Variants in PDSS2 observed in about 807,000 individuals in gnomAD.
PDSS2 encodes all trans-polyprenyl-diphosphate synthase PDSS2.
PDSS2 carries 31 observed loss-of-function variants against 44.5 expected under a neutral mutation model. The observed-to-expected ratio is 0.70, with a 90% CI of 0.52 to 0.94. PDSS2 has a LOEUF of 0.94. PDSS2 is among the 40% of genes least tolerant of loss of function. PDSS2 has a pLI of 0.00. For missense variants in PDSS2, 452 were observed against 482.2 expected, an observed-to-expected ratio of 0.94 and a Z score of 0.59; for synonymous variants, 157 against 180.3, an observed-to-expected ratio of 0.87 and a Z score of 1.03.
chr6:107,388,447 ATTTT>A (rs147100917), intron 1 of PDSS2, among the ~76,000 whole-genome samples: 3 of 137,268 alleles, frequency 2.2e-5, no homozygotes, highest in African/African-American at 5.4e-5. Context: ...GTGCATGTGA[ATTTT>A]TTTTTTTTTT....
intron 6 of PDSS2, among the ~76,000 whole-genome samples, chr6:107,206,458 G>C (rs1772981670): frequency 6.6e-6 from 1 of 152,140 alleles, no homozygotes; most frequent in South Asian, 2.1e-4. Context: ...AGCTGAAAGG[G>C]ACTTTGGAAA....
intron 2 of PDSS2, among the ~76,000 whole-genome samples, chr6:107,295,479 G>T (rs531376438): frequency 6.6e-6 from 1 of 152,272 alleles, no homozygotes; most frequent in South Asian, 2.1e-4. Context: ...GAAATAGGAG[G>T]GGATGTGGGG....
chr6:107,440,581 T>C (rs185981733), intron 1 of PDSS2, among the ~76,000 whole-genome samples: 1 of 152,328 alleles, frequency 6.6e-6, no homozygotes, highest in African/African-American at 2.4e-5. Flanking sequence ...AATTGTTTCC[T>C]TCCTCTAAGA....
intron 3 of PDSS2, among the ~76,000 whole-genome samples, chr6:107,271,576 A>G (rs1437899770): frequency 2.0e-5 from 3 of 152,138 alleles, no homozygotes; most frequent in African/African-American, 7.2e-5. Flanking sequence ...GACACACTAC[A>G]CAGCCAGCTT....
At chr6:107,393,906 C>G (rs1326111007) in intron 1 of PDSS2, among the ~76,000 whole-genome samples, 2 of 152,138 alleles carry the variant, frequency 1.3e-5, no homozygotes, top group East Asian at 3.9e-4. Flanking sequence ...AGCTTTCTTG[C>G]TATTTGTTTG....
intron 1 of PDSS2, among the ~76,000 whole-genome samples, chr6:107,366,181 G>GT (rs1347500300): frequency 6.6e-6 from 1 of 152,112 alleles, no homozygotes; most frequent in Non-Finnish European, 1.5e-5. Context: ...ATCATAAAAA[G>GT]TATGTTCTCT....
At chr6:107,340,762 G>C (rs1390650370) in intron 1 of PDSS2, among the ~76,000 whole-genome samples, 2 of 152,192 alleles carry the variant, frequency 1.3e-5, no homozygotes, top group East Asian at 3.9e-4. Context: ...GACGGGACTG[G>C]AATGGAGTCA....
At chr6:107,216,490 A>T (rs562980704) in intron 4 of PDSS2, among the ~76,000 whole-genome samples, 3 of 152,288 alleles carry the variant, frequency 2.0e-5, no homozygotes, top group South Asian at 2.1e-4. Context: ...ACCAAAAAAA[A>T]CAAAAAACAA....
intron 4 of PDSS2, among the ~76,000 whole-genome samples, chr6:107,221,476 T>A (rs1773606301): frequency 6.6e-6 from 1 of 152,268 alleles, no homozygotes; most frequent in East Asian, 1.9e-4. Context: ...GGATTTCCTT[T>A]TTTTTTCCTG....
intron 1 of PDSS2, among the ~76,000 whole-genome samples, chr6:107,447,570 G>A (rs868397496): frequency 6.6e-6 from 1 of 152,190 alleles, no homozygotes; most frequent in Admixed American, 6.5e-5. Flanking sequence ...TATTACAAGA[G>A]GTGGGCTCCC....
intron 1 of PDSS2, among the ~76,000 whole-genome samples, chr6:107,372,451 CTTTTTTA>C (rs1409235343): frequency 1.3e-5 from 2 of 151,954 alleles, no homozygotes; most frequent in African/African-American, 2.4e-5. Flanking sequence ...TCATATAATT[CTTTTTTA>C]TTTTTTATTT....
intron 5 of PDSS2, among the ~76,000 whole-genome samples, 175 bp from the exon 6 acceptor site, chr6:107,210,745 T>C (rs1773170886): frequency 6.6e-6 from 1 of 152,188 alleles, no homozygotes. Context: ...GGCTTACGCC[T>C]GTAATCTCAG....
intron 1 of PDSS2, among the ~76,000 whole-genome samples, chr6:107,382,974 G>A (rs895092026): frequency 6.6e-6 from 1 of 151,930 alleles, no homozygotes; most frequent in East Asian, 1.9e-4. Flanking sequence ...AAAAAATAAA[G>A]TTGGACCCTT....
At chr6:107,320,017 C>G (rs530898089) in intron 2 of PDSS2, among the ~76,000 whole-genome samples, 63 of 152,218 alleles carry the variant, frequency 4.1e-4, no homozygotes, top group South Asian at 1.0e-3. Flanking sequence ...AAACAAGTAA[C>G]AAAGAGGAGT....
At chr6:107,425,608 C>G (rs319100) in intron 1 of PDSS2, among the ~76,000 whole-genome samples, 109,939 of 152,090 alleles carry the variant, frequency 0.72, 40,190 homozygotes, top group Middle Eastern at 0.8. Context: ...TGCTGTTAAA[C>G]GGATTCAGTT....
At chr6:107,334,364 T>C (rs1228759656) in intron 1 of PDSS2, 32 bp from the exon 2 acceptor site, 3 of 1,605,528 alleles carry the variant, frequency 1.9e-6, no homozygotes, top group Non-Finnish European at 2.6e-6. Flanking sequence ...AGAGGATTAA[T>C]ATACCCTCAC....
intron 1 of PDSS2, among the ~76,000 whole-genome samples, chr6:107,446,864 G>A (rs1478483254): frequency 6.6e-6 from 1 of 151,604 alleles, no homozygotes; most frequent in Non-Finnish European, 1.5e-5. Flanking sequence ...TGAGATTTAG[G>A]TGAGGACATT....
At chr6:107,287,210 A>G (rs1776184021) in intron 2 of PDSS2, among the ~76,000 whole-genome samples, 1 of 152,248 alleles carries the variant, frequency 6.6e-6, no homozygotes, top group African/African-American at 2.4e-5. Context: ...CCACAGACAT[A>G]CAATTTGGCA....
intron 1 of PDSS2, among the ~76,000 whole-genome samples, chr6:107,430,082 T>A (rs1781146034): frequency 1.3e-5 from 2 of 151,636 alleles, no homozygotes; most frequent in Admixed American, 1.3e-4. Flanking sequence ...CTCACCCACC[T>A]AAGACACCTT....
Sources: gnomAD v4.1 joint callset for allele counts (sites outside exome capture counted in the v4.1 genomes callset) on GRCh38, gnomAD v4.1.1 for gene constraint, MANE v1.5 for transcripts, NCBI Gene and HGNC (gene_info 2026-07-23, HGNC 2026-07-21) for gene names.